The following TNFSF4 variants were observed in gnomAD, a reference collection of about 807,000 sequenced individuals.
The protein encoded by TNFSF4 is TNF superfamily member 4, also known as tumor necrosis factor ligand superfamily member 4.
In TNFSF4, 4 loss-of-function variants were observed where a neutral mutation model predicts 7.3. The observed-to-expected ratio is 0.55, with a 90% CI of 0.27 to 1.25. The LOEUF (loss-of-function observed/expected upper bound fraction) is 1.25, where lower values mean the gene tolerates loss of function less well. Ranked by LOEUF, TNFSF4 falls within the 50% of genes most tolerant of loss-of-function variation. The pLI, the probability that TNFSF4 is intolerant of heterozygous loss-of-function variation, is 0.12. For missense variants in TNFSF4, 181 were observed against 208.8 expected (o/e 0.87, Z 0.82); for synonymous variants, 76 against 83.7 (o/e 0.91, Z 0.50).
At chr1:173,412,645 A>G in the TNFSF4 span, among the ~76,000 whole-genome samples, 5 of 152,364 alleles carry the variant, frequency 3.3e-5, no homozygotes, top group East Asian at 9.6e-4. Flanking sequence ...TAACAGAAAG[A>G]TCAACAGCCA....
chr1:173,450,029 C>T, the TNFSF4 span, among the ~76,000 whole-genome samples: 2 of 151,992 alleles, frequency 1.3e-5, no homozygotes, highest in Non-Finnish European at 2.9e-5. Context: ...ATTGATAAAC[C>T]TCTAGCCTGG....
At chr1:173,234,958 A>T in the TNFSF4 span, among the ~76,000 whole-genome samples, 1 of 152,198 alleles carries the variant, frequency 6.6e-6, no homozygotes, top group Admixed American at 6.5e-5. Context: ...TAATAATTTA[A>T]AAAAAGAAAA....
the TNFSF4 span, among the ~76,000 whole-genome samples, chr1:173,222,351 A>C: frequency 1.3e-5 from 2 of 152,222 alleles, no homozygotes; most frequent in Non-Finnish European, 2.9e-5. Flanking sequence ...GAAATGACAA[A>C]GGGAAAAAGT....
At chr1:173,377,043 G>A in the TNFSF4 span, among the ~76,000 whole-genome samples, 1 of 152,150 alleles carries the variant, frequency 6.6e-6, no homozygotes, top group African/African-American at 2.4e-5. Context: ...GGACACATCT[G>A]AACATCTGAA....
intron 1 of TNFSF4, among the ~76,000 whole-genome samples, chr1:173,203,182 C>T (rs968911980): frequency 2.1e-4 from 32 of 152,268 alleles, no homozygotes; most frequent in Admixed American, 8.5e-4. Context: ...GTGTAGGAAT[C>T]AGGAGTTCTG....
At chr1:173,395,281 G>A in the TNFSF4 span, among the ~76,000 whole-genome samples, 1 of 148,494 alleles carries the variant, frequency 6.7e-6, no homozygotes, top group Non-Finnish European at 1.5e-5. Flanking sequence ...GATAATTCAT[G>A]GCATACTCTG....
chr1:173,389,965 C>T, the TNFSF4 span, among the ~76,000 whole-genome samples: 1 of 151,950 alleles, frequency 6.6e-6, no homozygotes, highest in Non-Finnish European at 1.5e-5. Context: ...TGAATAATCC[C>T]AATATCTGAA....
the TNFSF4 span, among the ~76,000 whole-genome samples, chr1:173,446,646 GCT>G: frequency 6.6e-6 from 1 of 152,222 alleles, no homozygotes; most frequent in Non-Finnish European, 1.5e-5. Context: ...TGCCAGTACA[GCT>G]ATAAAGGCAT....
chr1:173,347,647 G>A, the TNFSF4 span, among the ~76,000 whole-genome samples: 99 of 152,108 alleles, frequency 6.5e-4, no homozygotes, highest in African/African-American at 2.2e-3. Flanking sequence ...GCAGAGTTAT[G>A]TGTACAGGGT....
chr1:173,243,015 G>A, the TNFSF4 span, among the ~76,000 whole-genome samples: 1 of 106,426 alleles, frequency 9.4e-6, no homozygotes, highest in Non-Finnish European at 1.9e-5. Flanking sequence ...GGGGGGGGGG[G>A]GGGAGCACAA....
chr1:173,346,492 C>G, the TNFSF4 span, among the ~76,000 whole-genome samples: 1 of 152,082 alleles, frequency 6.6e-6, no homozygotes, highest in Non-Finnish European at 1.5e-5. Flanking sequence ...TACCTGGAAG[C>G]TGAAGTTACA....
At chr1:173,375,905 G>A in the TNFSF4 span, among the ~76,000 whole-genome samples, 2 of 151,960 alleles carry the variant, frequency 1.3e-5, no homozygotes, top group Non-Finnish European at 2.9e-5. Flanking sequence ...AACACTCACC[G>A]CAAAGGTCCA....
chr1:173,207,343 C>T (rs935313184), upstream of TNFSF4: 2 of 528,932 alleles, frequency 3.8e-6, no homozygotes, highest in South Asian at 4.5e-5. Context: ...AAGAGCAAAG[C>T]GGACTCTCTC....
chr1:173,332,638 G>A, the TNFSF4 span, among the ~76,000 whole-genome samples: 6 of 152,096 alleles, frequency 3.9e-5, no homozygotes, highest in Admixed American at 1.3e-4. Context: ...GGTGGATCAC[G>A]AGGTCAGGAG....
At chr1:173,328,940 G>C in the TNFSF4 span, among the ~76,000 whole-genome samples, 1 of 152,166 alleles carries the variant, frequency 6.6e-6, no homozygotes, top group African/African-American at 2.4e-5. Flanking sequence ...GCCATTTTAA[G>C]TAAGGATTAT....
the TNFSF4 span, among the ~76,000 whole-genome samples, chr1:173,390,975 A>C: frequency 6.6e-6 from 1 of 151,692 alleles, no homozygotes; most frequent in Non-Finnish European, 1.5e-5. Context: ...CAAAATCCTG[A>C]ACTCAGGTGA....
At chr1:173,356,160 G>A in the TNFSF4 span, among the ~76,000 whole-genome samples, 1 of 152,316 alleles carries the variant, frequency 6.6e-6, no homozygotes, top group Non-Finnish European at 1.5e-5. Context: ...ATGTGGGGGA[G>A]GGATGCTCTG....
At chr1:173,180,942 G>C (rs1649046627), downstream of TNFSF4, among the ~76,000 whole-genome samples, 1 of 152,138 alleles carries the variant, frequency 6.6e-6, no homozygotes, top group South Asian at 2.1e-4. Context: ...CTAGCACAAT[G>C]CCTGGCATAG....
the TNFSF4 span, among the ~76,000 whole-genome samples, chr1:173,302,380 C>A: frequency 1.3e-5 from 2 of 151,794 alleles, no homozygotes; most frequent in Non-Finnish European, 2.9e-5. Flanking sequence ...CCCTAAGAAG[C>A]AAGGAAGAGA....
Sources: allele counts gnomAD v4.1 joint callset (sites outside exome capture counted in the v4.1 genomes callset), GRCh38; gene constraint gnomAD v4.1.1; transcripts MANE v1.5; gene names NCBI Gene and HGNC (gene_info 2026-07-23, HGNC 2026-07-21).